Variants in ATP1A2 observed in about 807,000 individuals in gnomAD.
The protein encoded by ATP1A2 is ATPase Na+/K+ transporting subunit alpha 2, also known as sodium/potassium-transporting ATPase subunit alpha-2.
Under a neutral mutation model 113.1 loss-of-function variants are expected in ATP1A2, and 56 were observed. The ratio of observed to expected loss-of-function variants is 0.49; its 90% CI spans 0.40 to 0.62. The LOEUF is 0.62. Ranked by LOEUF, ATP1A2 falls within the 20% of genes least tolerant of loss-of-function variation. The pLI, the probability that ATP1A2 is intolerant of heterozygous loss-of-function variation, is 0.00. For synonymous variants in ATP1A2, 490 were observed against 526.8 expected, an observed-to-expected ratio of 0.93 and a Z score of 0.96; for missense variants, 712 against 1,357.8, an observed-to-expected ratio of 0.52 and a Z score of 7.47.
At chr1:160,116,500 C>T (rs894712982) in intron 1 of ATP1A2, among the ~76,000 whole-genome samples, 9 of 149,678 alleles carry the variant, frequency 6.0e-5, no homozygotes, top group African/African-American at 2.2e-4. Flanking sequence ...GGGTTCCAAG[C>T]CATGGGCTTT....
intron 10 of ATP1A2, 36 bp downstream of exon 10, chr1:160,129,125 G>C: frequency 6.6e-7 from 1 of 1,515,090 alleles, no homozygotes; most frequent in Non-Finnish European, 8.8e-7. Context: ...TATGTTTTGG[G>C]GGTGTCTCCA....
intron 11 of ATP1A2, 147 bp from the exon 12 acceptor site, chr1:160,129,954 AC>A (rs1651717452): frequency 9.1e-6 from 9 of 985,484 alleles, no homozygotes; most frequent in Admixed American, 2.0e-5. Context: ...AGGTCTAAAC[AC>A]CCCCCTGCAC....
At chr1:160,138,886 C>T (rs1304032722) in intron 20 of ATP1A2, among the ~76,000 whole-genome samples, 1 of 151,976 alleles carries the variant, frequency 6.6e-6, no homozygotes, top group Non-Finnish European at 1.5e-5. Flanking sequence ...TGTCACTGAA[C>T]ATTTCAGTGA....
At chr1:160,122,300 C>A (rs542006612) in intron 3 of ATP1A2, among the ~76,000 whole-genome samples, 2 of 152,114 alleles carry the variant, frequency 1.3e-5, no homozygotes, top group South Asian at 2.1e-4. Context: ...TTGTGTGTCA[C>A]CTCTCCAGAT....
At chr1:160,118,006 A>G (rs550831367) in intron 1 of ATP1A2, among the ~76,000 whole-genome samples, 56 of 152,128 alleles carry the variant, frequency 3.7e-4, no homozygotes, top group Non-Finnish European at 6.6e-4. Flanking sequence ...TTGCCTGGGC[A>G]GCCGCTGGCC....
In ATP1A2 at chr1:160,125,214, A is replaced by G; in HGVS notation, c.709A>G (p.Thr237Ala). The G allele has an allele frequency of 6.2e-7, 1 of 1,614,016 alleles. No individual in the cohort carries two copies. Among genetic ancestry groups the G allele is most frequent in the Non-Finnish European group, 8.5e-7 (1 of 1,179,978 alleles). The change falls in exon 7 of 23, where the codon ACC (threonine) becomes GCC (alanine). Residue 237 changes from threonine (T) to alanine (A), a missense_variant. By Grantham distance (58) the Thr-to-Ala change is moderately conservative. Around this residue, in one of 6 missense-constraint regions of ATP1A2, gnomAD observed 99 missense variants for 180.4 expected, o/e 0.55. Transcript: ENST00000361216. ...PEFTHENPLE[T>A]RNICFFSTNC... Reference sequence around the variant, plus strand: ...GTTCACCCATGAGAACCCCCTGGAGACCCGCAATATCTGTTTCTTCTCCAC... The same window carrying G: ...GTTCACCCATGAGAACCCCCTGGAGGCCCGCAATATCTGTTTCTTCTCCAC...
Position 160,127,701 on chromosome 1 carries a change from C to T in ATP1A2, c.898C>T (p.Leu300=). 1 of 1,614,210 alleles carries T rather than the reference C, an allele frequency of 6.2e-7. No homozygotes were observed. ...IQLITGVAVF[L]GVSFFVLSLI... ...GCTGATCACAGGGGTCGCTGTATTC[C>T]TGGGGGTCTCCTTCTTCGTGCTCTC... Residue 300 remains leucine, a synonymous_variant, in exon 8 of 23, where the codon CTG becomes TTG. Coordinates refer to ENST00000361216, the MANE Select transcript of ATP1A2 (RefSeq NM_000702.4).
chr1:160,141,155 C>T, intron 22 of ATP1A2, 139 bp from the exon 23 acceptor site: 1 of 1,022,730 alleles, frequency 9.8e-7, no homozygotes, highest in Non-Finnish European at 1.5e-6. Flanking sequence ...CTCCTTCCAC[C>T]TTCCTAAGCC....
chr1:160,139,008 T>C (rs914212361), intron 20 of ATP1A2, among the ~76,000 whole-genome samples: 1 of 152,124 alleles, frequency 6.6e-6, no homozygotes, highest in Non-Finnish European at 1.5e-5. Context: ...CTCAGAGAAA[T>C]TCAACATTGC....
intron 1 of ATP1A2, 54 bp from the exon 2 acceptor site, chr1:160,120,852 G>T: frequency 6.6e-7 from 1 of 1,524,816 alleles, no homozygotes; most frequent in Non-Finnish European, 8.9e-7. Flanking sequence ...TGGTGGGAAT[G>T]GAGGCCCCAG....
intron 11 of ATP1A2, among the ~76,000 whole-genome samples, 172 bp from the exon 12 acceptor site, chr1:160,129,930 G>A (rs1038214743): frequency 1.2e-4 from 18 of 152,156 alleles, no homozygotes; most frequent in Non-Finnish European, 2.6e-4. Context: ...CAGGTTACAA[G>A]TGTTGGAACT....
In ATP1A2 at chr1:160,135,491, G is replaced by T. The variant is rs1268185675; in HGVS notation, c.2173G>T (p.Ala725Ser). The T allele has an allele frequency of 6.2e-7, 1 of 1,614,214 alleles. No homozygotes were observed. Among genetic ancestry groups the T allele is most frequent in the Admixed American group, 1.7e-5 (1 of 60,026 alleles). The change falls in exon 16 of 23, where the codon GCT becomes TCT. Residue 725 changes from alanine to serine, a missense_variant. By Grantham distance (99) the Ala-to-Ser change is moderately conservative. This residue lies in a region of ATP1A2 where 188 missense variants were observed against 438.9 expected (regional missense o/e 0.43). Transcript: ENST00000361216. This position sits in a 1 kb window ranked among gnomAD's most constrained non-coding sequence, Gnocchi z 6.3. ...GVNDSPALKK[A>S]DIGIAMGISG... ...GAACGACTCCCCTGCATTGAAGAAG[G>T]CTGACATTGGCATTGCCATGGGCAT...
Position 160,140,535 on chromosome 1 carries a change from GT to G in ATP1A2, c.3034+552del, listed in dbSNP as rs886323281. 5.9e-4 allele frequency: 102 copies of G among 171,836 alleles called. 1 individual carries two copies. The highest frequency in any genetic ancestry group is 2.3e-3 in the African/African-American group (95 of 41,740). The allele number at this position is 171,836 out of a possible 1,614,324, so 10.6% of individuals were successfully genotyped here. On this transcript the variant is annotated intron_variant, in intron 22 of 22. Coordinates refer to ENST00000361216, the MANE Select transcript of ATP1A2 (RefSeq NM_000702.4). ...ATTTTGTGTGTGTGGGGGGAGGAGG[GT>G]GGATTAATTGGTCCGATATAGAAAA... is the stretch of plus-strand genomic sequence containing the variant.
intron 12 of ATP1A2, 58 bp downstream of exon 12, chr1:160,130,349 T>C: frequency 6.2e-7 from 1 of 1,613,984 alleles, no homozygotes; most frequent in Non-Finnish European, 8.5e-7. Flanking sequence ...GCGGCATCCC[T>C]GGGGTGGGGG....
At chr1:160,126,194 G>A (rs1651581038) in intron 7 of ATP1A2, among the ~76,000 whole-genome samples, 1 of 152,032 alleles carries the variant, frequency 6.6e-6, no homozygotes, top group Admixed American at 6.5e-5. Context: ...ATCCTCAAAG[G>A]CCCTGATATG....
Position 160,135,984 on chromosome 1 carries a change from C to T in ATP1A2, c.2430C>T (p.Gly810=). The change falls in exon 17 of 23, where the codon GGC becomes GGT. Residue 810 remains glycine, a synonymous_variant. Coordinates refer to ENST00000361216, the MANE Select transcript of ATP1A2 (RefSeq NM_000702.4). This position sits in a 1 kb window ranked among gnomAD's most constrained non-coding sequence, Gnocchi z 6.3. ...GTVTILCIDL[G]TDMVPAISLA... is the part of the protein sequence containing the mutation. The stretch of plus-strand genomic sequence containing the variant: ...TGACCATCCTTTGCATTGACCTGGG[C>T]ACAGATATGGTGAGCGCAGGAGGTG... The T allele has an allele frequency of 6.2e-7, 1 of 1,614,060 alleles. No individual in the cohort carries two copies. The highest frequency in any genetic ancestry group is 8.5e-7 in the Non-Finnish European group (1 of 1,180,014).
chr1:160,137,075 C>A (rs1431364333), intron 20 of ATP1A2, 44 bp downstream of exon 20: 3 of 1,613,254 alleles, frequency 1.9e-6, no homozygotes, highest in African/African-American at 2.7e-5. Flanking sequence ...AGGCTCTGGG[C>A]ACACTCACCA....
chr1:160,135,049 G>T lies in ATP1A2; in HGVS notation c.1965-96G>T. The T allele has an allele frequency of 1.3e-6, 2 of 1,523,642 alleles. No individual in the cohort carries two copies. The highest frequency in any genetic ancestry group is 2.3e-5 in the East Asian group (1 of 43,274). The allele number at this position is 1,523,642 out of a possible 1,614,324, so 94.4% of individuals were successfully genotyped here. On this transcript the variant is annotated intron_variant, in intron 14 of 22. Transcript: ENST00000361216. The surrounding 1 kb of genome is among the most constrained non-coding windows in gnomAD (Gnocchi z 6.3). Reference sequence around the variant, plus strand: ...CAACAGGGGAAGCAGGCTCAGCAGGGAGCCTGCAGGCTGCGGTGGTGAAGA... The same window carrying T: ...CAACAGGGGAAGCAGGCTCAGCAGGTAGCCTGCAGGCTGCGGTGGTGAAGA...
At chr1:160,138,950 C>G (rs1652046556) in intron 20 of ATP1A2, among the ~76,000 whole-genome samples, 1 of 152,130 alleles carries the variant, frequency 6.6e-6, no homozygotes, top group African/African-American at 2.4e-5. Flanking sequence ...CCCAGCAACC[C>G]TATGATAAAA....
Sources: allele counts gnomAD v4.1 joint callset (sites outside exome capture counted in the v4.1 genomes callset), GRCh38; gene constraint gnomAD v4.1.1; regional missense constraint gnomAD v4.1.1; non-coding constraint Gnocchi (gnomAD v3.1); transcripts MANE v1.5; gene names NCBI Gene and HGNC (gene_info 2026-07-23, HGNC 2026-07-21).